SRGAP1: variants seen among roughly 807,000 people sequenced by gnomAD.
SRGAP1 encodes the protein SLIT-ROBO Rho GTPase-activating protein 1.
Under a neutral mutation model 121.9 loss-of-function variants are expected in SRGAP1, and 43 were observed. The ratio of observed to expected loss-of-function variants is 0.35; its 90% CI spans 0.28 to 0.46. SRGAP1 has a LOEUF of 0.46. Ranked by LOEUF, SRGAP1 falls within the 20% of genes least tolerant of loss-of-function variation. SRGAP1 has a pLI of 1.00. For synonymous variants in SRGAP1, 447 were observed against 485.4 expected (o/e 0.92, Z 1.04); for missense variants, 1,102 against 1,350.9 (o/e 0.82, Z 2.89).
chr12:64,010,773 T>C (rs190311054), intron 3 of SRGAP1, among the ~76,000 whole-genome samples: 2 of 152,048 alleles, frequency 1.3e-5, no homozygotes, highest in Admixed American at 1.3e-4. Flanking sequence ...AATTAGCAAT[T>C]CTTTTTTGTC....
In SRGAP1 at chr12:64,005,981, C is replaced by T. The variant is rs141803735; in HGVS notation, c.427-10969C>T. ...AAGACACAAATCTTCAACTGGTACC[C>T]CCATAGGAACTTAGACTCTAGTAAG... On this transcript the variant is annotated intron_variant, in intron 3 of 21. Coordinates refer to ENST00000355086, the MANE Select transcript of SRGAP1 (RefSeq NM_020762.4). 1.1e-3 allele frequency among the ~76,000 whole-genome samples: 160 copies of T among 152,200 alleles called. No individual in the cohort carries two copies. The East Asian group carries it at 0.021, about 20-fold the overall frequency.
At chr12:63,945,801 G>C (rs1031036394) in intron 1 of SRGAP1, among the ~76,000 whole-genome samples, 2 of 152,120 alleles carry the variant, frequency 1.3e-5, no homozygotes, top group Non-Finnish European at 2.9e-5. Context: ...TACTGGGGAG[G>C]GACTCAGGTA....
rs563161650 is a variant in SRGAP1, at chr12:63,982,135, C to T, written c.68-1812C>T. ...CTGAGACAGGAGAATGGCGTGGACC[C>T]GGGAGGCGGAGCTTGCAGTGAGCCG... On this transcript the variant is annotated intron_variant, in intron 1 of 21. Coordinates refer to ENST00000355086, the MANE Select transcript of SRGAP1 (RefSeq NM_020762.4). 1.7e-3 allele frequency among the ~76,000 whole-genome samples: 254 copies of T among 151,910 alleles called. 1 individual carries two copies. Among genetic ancestry groups the T allele is most frequent in the Non-Finnish European group, 6.0e-4 (41 of 67,968 alleles).
At chr12:63,934,871 T>C (rs989970667) in intron 1 of SRGAP1, among the ~76,000 whole-genome samples, 6 of 152,214 alleles carry the variant, frequency 3.9e-5, no homozygotes, top group Non-Finnish European at 7.4e-5. Flanking sequence ...TCATTTTTTT[T>C]CCCAGTAACT....
At chr12:64,042,589 C>T (rs2035047366) in intron 4 of SRGAP1, among the ~76,000 whole-genome samples, 1 of 152,082 alleles carries the variant, frequency 6.6e-6, no homozygotes. Flanking sequence ...GTGCTTTTTC[C>T]TGGCAGATGA....
chr12:64,053,986 A>C (rs1054375144), intron 6 of SRGAP1, among the ~76,000 whole-genome samples: 1 of 152,154 alleles, frequency 6.6e-6, no homozygotes, highest in African/African-American at 2.4e-5. Context: ...AACTGGTTTT[A>C]AAATTGCATT....
chr12:64,080,306 A>G lies in SRGAP1; in HGVS notation c.1344A>G (p.Glu448=), dbSNP rs1157489424. ...TGCAGAAACTCAGAGAATATTTGGAAGGCAGTAATCTCATCACAAAACTTC... is the reference window on the plus strand; with the variant it reads ...TGCAGAAACTCAGAGAATATTTGGAGGGCAGTAATCTCATCACAAAACTTC... ...FYFMKLREYL[E]GSNLITKLQA... is the part of the protein sequence containing the mutation. Residue 448 remains glutamate, a synonymous_variant, in exon 10 of 22, where the codon GAA becomes GAG. Coordinates refer to ENST00000355086, the MANE Select transcript of SRGAP1 (RefSeq NM_020762.4). 3 of 1,612,800 alleles carry G rather than the reference A, an allele frequency of 1.9e-6. No individual in the cohort carries two copies. The highest frequency in any genetic ancestry group is 1.7e-4 in the Middle Eastern group (1 of 6,054).
intron 12 of SRGAP1, among the ~76,000 whole-genome samples, chr12:64,094,090 A>G (rs1300709992): frequency 6.6e-6 from 1 of 152,182 alleles, no homozygotes; most frequent in Admixed American, 6.5e-5. Context: ...AAAAAGATCT[A>G]ATTCCTGAAA....
At chr12:63,953,476 T>TA (rs1200639040) in intron 1 of SRGAP1, among the ~76,000 whole-genome samples, 1 of 151,018 alleles carries the variant, frequency 6.6e-6, no homozygotes, top group Non-Finnish European at 1.5e-5. Flanking sequence ...GATCTTGGCT[T>TA]ACTGCAACCT....
intron 8 of SRGAP1, among the ~76,000 whole-genome samples, chr12:64,074,685 T>A (rs1021191284): frequency 7.9e-5 from 12 of 152,180 alleles, no homozygotes; most frequent in African/African-American, 2.9e-4. Context: ...TTTTCTTACA[T>A]GTTTGTCAAT....
Position 64,155,887 on chromosome 12 carries a change from G to C in SRGAP1, c.*13215G>C, listed in dbSNP as rs186693319. ...TGACCTCAGGTGATCCACCCGCCTC[G>C]GTCTCCCAAACTGTTGGCATTACAG... On this transcript the variant is annotated 3_prime_UTR_variant, in exon 22 of 22. Transcript: ENST00000355086. 1 of 152,224 alleles carries C rather than the reference G, an allele frequency of 6.6e-6. No individual in the cohort carries two copies. The highest frequency in any genetic ancestry group is 2.4e-5 in the African/African-American group (1 of 41,514). The allele number at this position is 152,224 out of a possible 1,614,324, so 9.4% of individuals were successfully genotyped here.
At chr12:63,886,850 A>G (rs1327038850) in intron 1 of SRGAP1, among the ~76,000 whole-genome samples, 5 of 152,016 alleles carry the variant, frequency 3.3e-5, no homozygotes, top group Non-Finnish European at 7.4e-5. Flanking sequence ...GAATAAGCAA[A>G]GACCCCCTCC....
chr12:64,129,975 GGTTGTTGTT>G (rs57651653), intron 21 of SRGAP1, among the ~76,000 whole-genome samples: 6 of 151,236 alleles, frequency 4.0e-5, no homozygotes, highest in South Asian at 4.2e-4. Flanking sequence ...AGCAGGTCGT[GGTTGTTGTT>G]GTTGTTGTTG....
intron 16 of SRGAP1, among the ~76,000 whole-genome samples, chr12:64,109,324 T>C (rs953630281): frequency 5.9e-5 from 9 of 152,162 alleles, no homozygotes; most frequent in African/African-American, 1.7e-4. Context: ...TCAGTGTTTT[T>C]CAGACTTTCA....
At chr12:64,097,529 C>G (rs759474856) in intron 15 of SRGAP1, 154 bp downstream of exon 15, 83 of 805,136 alleles carry the variant, frequency 1.0e-4, no homozygotes, top group Non-Finnish European at 1.4e-4. Flanking sequence ...GGATCCAGTG[C>G]GAGTCATCCT....
At chr12:63,858,705 T>C (rs1480624846) in intron 1 of SRGAP1, among the ~76,000 whole-genome samples, 1 of 152,216 alleles carries the variant, frequency 6.6e-6, no homozygotes, top group African/African-American at 2.4e-5. Flanking sequence ...TTTTGATAAA[T>C]TATACTTTTC....
At chr12:64,067,112 C>G (rs1379633249) in intron 8 of SRGAP1, among the ~76,000 whole-genome samples, 1 of 152,164 alleles carries the variant, frequency 6.6e-6, no homozygotes, top group Non-Finnish European at 1.5e-5. Context: ...TCCTACTTTG[C>G]CAGTCATTCA....
chr12:64,118,477 G>C (rs1283941122), intron 18 of SRGAP1, among the ~76,000 whole-genome samples: 1 of 152,060 alleles, frequency 6.6e-6, no homozygotes, highest in Non-Finnish European at 1.5e-5. Flanking sequence ...CCCCAGGCTG[G>C]TCTTGAACTC....
At chr12:63,918,761 C>G (rs1012951262) in intron 1 of SRGAP1, among the ~76,000 whole-genome samples, 4 of 152,162 alleles carry the variant, frequency 2.6e-5, no homozygotes, top group Middle Eastern at 3.2e-3. Context: ...TTTGTTCATC[C>G]ATTTATTCAT....
Sources: allele counts gnomAD v4.1 joint callset (sites outside exome capture counted in the v4.1 genomes callset), GRCh38; gene constraint gnomAD v4.1.1; transcripts MANE v1.5; gene names NCBI Gene and HGNC (gene_info 2026-07-23, HGNC 2026-07-21).